Variants in PCDHA4 observed in about 807,000 individuals in gnomAD.
The protein encoded by PCDHA4 is protocadherin alpha 4, also known as protocadherin alpha-4.
PCDHA4 carries 49 observed loss-of-function variants against 61.4 expected under a neutral mutation model. The observed-to-expected ratio is 0.80, with a 90% confidence interval of 0.63 to 1.01. PCDHA4 has a LOEUF of 1.01. PCDHA4 is among the 50% of genes least tolerant of loss of function. The probability of loss-of-function intolerance (pLI) is 0.00; values close to 1 mark genes in which losing one functional copy is unlikely to be tolerated. For synonymous variants in PCDHA4, 590 were observed against 550.3 expected (o/e 1.07, Z -1.01); for missense variants, 1,254 against 1,235.8 (o/e 1.01, Z -0.22).
chr5:140,906,175 G>T (rs1177661963), intron 1 of PCDHA4, among the ~76,000 whole-genome samples: 18 of 152,058 alleles, frequency 1.2e-4, no homozygotes, highest in African/African-American at 4.1e-4. Flanking sequence ...ACAATACTTT[G>T]CATCCTTCAA....
chr5:140,927,942 T>C, intron 1 of PCDHA4: 1 of 1,614,226 alleles, frequency 6.2e-7, no homozygotes, highest in Non-Finnish European at 8.5e-7. Flanking sequence ...ACCCAGTACC[T>C]GAGGACGCTG....
intron 1 of PCDHA4, chr5:140,856,575 A>G (rs2150361259): frequency 6.3e-7 from 1 of 1,597,272 alleles, no homozygotes; most frequent in African/African-American, 1.3e-5. Flanking sequence ...CCAAATGAGT[A>G]TTTTGTTCTT....
rs3806841 is a variant in PCDHA4, at chr5:140,855,953, T to C, written c.2385+46381T>C. On this transcript the variant is annotated intron_variant, in intron 1 of 3. Transcript: ENST00000530339. Reference sequence around the variant, plus strand: ...CATTCTGAGATCTCAGCCATTTCGATAAAAAATAGATATAAGAAATAGGAC... The same window carrying C: ...CATTCTGAGATCTCAGCCATTTCGACAAAAAATAGATATAAGAAATAGGAC... 9.7e-5 allele frequency: 134 copies of C among 1,381,096 alleles called. 3 individuals are homozygous for C. In the East Asian group the frequency reaches 3.0e-3, roughly 31 times the overall value. 85.6% of individuals were successfully genotyped at this position (1,381,096 alleles called of 1,614,324 possible).
intron 1 of PCDHA4, chr5:140,871,170 G>A (rs2052777446): frequency 1.2e-6 from 2 of 1,613,536 alleles, no homozygotes; most frequent in Non-Finnish European, 1.7e-6. Context: ...CGAGCCCAGA[G>A]GCTGCGCTGG....
At chr5:140,963,091 T>C (rs1250580965) in intron 1 of PCDHA4, among the ~76,000 whole-genome samples, 1 of 152,162 alleles carries the variant, frequency 6.6e-6, no homozygotes, top group African/African-American at 2.4e-5. Flanking sequence ...AAGACATGGC[T>C]CCTGCTTTCA....
chr5:140,965,821 C>T (rs782710036), intron 1 of PCDHA4, among the ~76,000 whole-genome samples: 9 of 152,150 alleles, frequency 5.9e-5, no homozygotes, highest in Non-Finnish European at 1.0e-4. Flanking sequence ...GCATTTTAAA[C>T]ATTTAAATAT....
intron 1 of PCDHA4, chr5:140,813,411 A>G (rs1765286537): frequency 6.6e-6 from 1 of 152,190 alleles, no homozygotes; most frequent in African/African-American, 2.4e-5. Flanking sequence ...AAACCTGTAC[A>G]TATGTTAACT....
In PCDHA4 at chr5:140,841,984, G is replaced by T. The variant is rs2150326870; in HGVS notation, c.2385+32412G>T. On this transcript the variant is annotated intron_variant, in intron 1 of 3. Coordinates refer to ENST00000530339, the MANE Select transcript of PCDHA4 (RefSeq NM_018907.4). ...CAGCCACAGATGGGGGCAAACCTGA[G>T]CTCACAGGCACTGTTCAGCTGCTGG... 5 of 1,613,848 alleles carry T rather than the reference G, an allele frequency of 3.1e-6. No homozygotes were observed. In the East Asian group the frequency reaches 1.1e-4, roughly 36 times the overall value.
At chr5:140,979,126 A>G in intron 2 of PCDHA4, 119 bp downstream of exon 2, 2 of 1,481,366 alleles carry the variant, frequency 1.4e-6, no homozygotes, top group South Asian at 1.4e-5. Context: ...GTACTTTGCC[A>G]GGAAAATGCA....
chr5:140,808,015 C>A lies in PCDHA4; in HGVS notation c.828C>A (p.Asp276Glu). ...ATTTAGACGAAGGATTGAATGGGGACATTGTTTATTCATTCTCAAATGATA... is the reference window on the plus strand; with the variant it reads ...ATTTAGACGAAGGATTGAATGGGGAAATTGTTTATTCATTCTCAAATGATA... Reference protein sequence around the residue: ...ASDLDEGLNGDIVYSFSNDIS... With the variant: ...ASDLDEGLNGEIVYSFSNDIS... The change falls in exon 1 of 4, where the codon GAC becomes GAA. Residue 276 changes from aspartate (D) to glutamate (E), a missense_variant. Physicochemically the swap from Asp to Glu is conservative, Grantham distance 45. Transcript: ENST00000530339. 6.2e-7 allele frequency: 1 copy of A among 1,613,530 alleles called. No homozygotes were observed. The highest frequency in any genetic ancestry group is 1.7e-4 in the Middle Eastern group (1 of 6,060).
chr5:140,980,317 A>G (rs1435571559), intron 2 of PCDHA4, among the ~76,000 whole-genome samples: 1 of 152,194 alleles, frequency 6.6e-6, no homozygotes, highest in Non-Finnish European at 1.5e-5. Context: ...TAAAAACTAC[A>G]TTTGAAATAA....
At chr5:140,856,715 G>A (rs1233191211) in intron 1 of PCDHA4, 4 of 1,596,328 alleles carry the variant, frequency 2.5e-6, no homozygotes, top group Admixed American at 1.7e-5. Context: ...TGAATTTACC[G>A]GATCTGTTTC....
At position 140,835,744 on chromosome 5, in the gene PCDHA4, C is replaced by T. The variant is rs2150243838; in HGVS notation, c.2385+26172C>T. On this transcript the variant is annotated intron_variant, in intron 1 of 3. Coordinates refer to ENST00000530339, the MANE Select transcript of PCDHA4 (RefSeq NM_018907.4). ...GCCGACGTGAACGACAACGCCCCGG[C>T]GTTCGCGCAGCCCGAGTATACGGTG... is the stretch of plus-strand genomic sequence containing the variant. The T allele has an allele frequency of 5.6e-6, 9 of 1,613,652 alleles. No homozygotes were observed. The Admixed American group carries it at 1.3e-4, about 24-fold the overall frequency.
chr5:140,884,833 C>T (rs1175023363), intron 1 of PCDHA4: 1 of 916,514 alleles, frequency 1.1e-6, no homozygotes, highest in Non-Finnish European at 1.5e-6. Flanking sequence ...GTTGGATTAT[C>T]CTTCAGAGTG....
intron 1 of PCDHA4, chr5:140,822,694 C>T (rs2150118650): frequency 1.2e-6 from 2 of 1,609,840 alleles, no homozygotes; most frequent in Non-Finnish European, 1.7e-6. Context: ...TAACGGGGAA[C>T]TGGATTATGA....
chr5:140,927,637 G>A lies in PCDHA4; in HGVS notation c.2386-51312G>A, dbSNP rs1554204838. Reference sequence around the variant, plus strand: ...CAAGGTTCCAGAGACTGCACCCAATGGGACTGTGTTATTCCGAGTTCAAGC... The same window carrying A: ...CAAGGTTCCAGAGACTGCACCCAATAGGACTGTGTTATTCCGAGTTCAAGC... On this transcript the variant is annotated intron_variant, in intron 1 of 3. Coordinates refer to ENST00000530339, the MANE Select transcript of PCDHA4 (RefSeq NM_018907.4). 3.7e-6 allele frequency: 6 copies of A among 1,614,176 alleles called. 1 individual carries two copies. In the Middle Eastern group the frequency reaches 9.9e-4, roughly 266 times the overall value.
At chr5:140,830,452 G>T in intron 1 of PCDHA4, 2 of 1,597,312 alleles carry the variant, frequency 1.3e-6, no homozygotes, top group South Asian at 2.3e-5. Context: ...GTAAGGCGGA[G>T]AATCAGGATT....
intron 1 of PCDHA4, chr5:140,823,314 C>A: frequency 6.2e-7 from 1 of 1,612,202 alleles, no homozygotes; most frequent in Non-Finnish European, 8.5e-7. Context: ...ACGCGGAGAG[C>A]GGCAAGGTGT....
intron 1 of PCDHA4, among the ~76,000 whole-genome samples, chr5:140,922,848 C>T (rs1345344826): frequency 2.6e-5 from 4 of 151,962 alleles, no homozygotes; most frequent in African/African-American, 9.7e-5. Flanking sequence ...TCAAAGAGAC[C>T]AAATACATAG....
Sources: gnomAD v4.1 joint callset for allele counts (sites outside exome capture counted in the v4.1 genomes callset) on GRCh38, gnomAD v4.1.1 for gene constraint, MANE v1.5 for transcripts, NCBI Gene and HGNC (gene_info 2026-07-23, HGNC 2026-07-21) for gene names.